The following PCDHGB1 variants were observed in gnomAD, a reference collection of about 807,000 sequenced individuals.
PCDHGB1 encodes protocadherin gamma subfamily B, 1, also known as protocadherin gamma-B1.
In PCDHGB1, 34 loss-of-function variants were observed where a neutral mutation model predicts 56.6. The observed-to-expected ratio is 0.60, with a 90% CI of 0.46 to 0.80. The LOEUF is 0.80. Among genes scored for constraint, PCDHGB1 ranks in the 30% least tolerant of loss-of-function variants. PCDHGB1 has a pLI of 0.00. For synonymous variants in PCDHGB1, 561 were observed against 505.9 expected (o/e 1.11, Z -1.46); for missense variants, 1,278 against 1,204.6 (o/e 1.06, Z -0.90).
At chr5:141,408,967 G>GC in intron 1 of PCDHGB1, 2 of 1,613,782 alleles carry the variant, frequency 1.2e-6, no homozygotes, top group Non-Finnish European at 1.7e-6. Context: ...GTGAAAATCT[G>GC]CCCCCTGGGT....
intron 1 of PCDHGB1, among the ~76,000 whole-genome samples, chr5:141,447,135 G>GT (rs905717632): frequency 9.9e-5 from 15 of 151,698 alleles, no homozygotes; most frequent in African/African-American, 3.4e-4. Flanking sequence ...TTGTTTGTTT[G>GT]TTTTTTGTTT....
rs1363636662 is a variant in PCDHGB1, at chr5:141,356,692, G to A, written c.2409+4023G>A. The A allele has an allele frequency of 5.0e-6, 8 of 1,613,832 alleles. No individual in the cohort carries two copies. The South Asian group carries it at 7.7e-5, about 16-fold the overall frequency. ...CTCCCTGGCCGAAGACACCTTCCAG[G>A]GTGCACCTCTGTCCTCCTATGTCTC... On this transcript the variant is annotated intron_variant, in intron 1 of 3. Transcript: ENST00000523390.
At chr5:141,429,500 A>C (rs1050435175) in intron 1 of PCDHGB1, among the ~76,000 whole-genome samples, 1 of 152,148 alleles carries the variant, frequency 6.6e-6, no homozygotes, top group Non-Finnish European at 1.5e-5. Flanking sequence ...CAGTTGCCTG[A>C]AACTGTGCCT....
intron 1 of PCDHGB1, chr5:141,395,513 C>T: frequency 2.4e-6 from 1 of 420,938 alleles, no homozygotes; most frequent in South Asian, 3.5e-5. Context: ...GAAGTAGCTA[C>T]CCGTCCATAC....
At position 141,398,766 on chromosome 5, in the gene PCDHGB1, T is replaced by A. The variant is rs775055352; in HGVS notation, c.2409+46097T>A. On this transcript the variant is annotated intron_variant, in intron 1 of 3. Coordinates refer to ENST00000523390, the MANE Select transcript of PCDHGB1 (RefSeq NM_018922.3). ...AGAGTTACCATCGTTTAGTCCTGACTGCCTTGGACGGTGGACATCCACCCC... is the reference window on the plus strand; with the variant it reads ...AGAGTTACCATCGTTTAGTCCTGACAGCCTTGGACGGTGGACATCCACCCC... 2.1e-5 allele frequency: 34 copies of A among 1,613,844 alleles called. 1 individual carries two copies. In the South Asian group the frequency reaches 3.1e-4, roughly 15 times the overall value.
intron 1 of PCDHGB1, chr5:141,371,172 T>G: frequency 6.2e-7 from 1 of 1,614,016 alleles, no homozygotes; most frequent in Non-Finnish European, 8.5e-7. Flanking sequence ...CGCTGGCTCC[T>G]CCGTATTAAA....
chr5:141,352,763 G>T (rs927333979), intron 1 of PCDHGB1, 94 bp downstream of exon 1: 5 of 1,302,158 alleles, frequency 3.8e-6, no homozygotes, highest in Non-Finnish European at 5.3e-6. Context: ...GCTGAGGCAG[G>T]TGGATCACTT....
At chr5:141,404,811 G>A (rs2094571358) in intron 1 of PCDHGB1, 1 of 1,606,238 alleles carries the variant, frequency 6.2e-7, no homozygotes, top group African/African-American at 1.4e-5. Flanking sequence ...TTCTCGGTGG[G>A]GCTGCACACA....
intron 1 of PCDHGB1, chr5:141,423,628 AT>A (rs2096762361): frequency 6.2e-7 from 1 of 1,604,844 alleles, no homozygotes; most frequent in Admixed American, 1.7e-5. Flanking sequence ...CTCAGCTATC[AT>A]TTTAGGCAAA....
At chr5:141,389,466 C>T (rs760000487) in intron 1 of PCDHGB1, 1 of 1,613,330 alleles carries the variant, frequency 6.2e-7, no homozygotes, top group East Asian at 2.2e-5. Flanking sequence ...CGCCTTCGAA[C>T]TCACACTGCA....
chr5:141,446,778 T>C (rs2098515519), intron 1 of PCDHGB1, among the ~76,000 whole-genome samples: 1 of 152,116 alleles, frequency 6.6e-6, no homozygotes, highest in South Asian at 2.1e-4. Flanking sequence ...GTTACCATTC[T>C]TTTACTCTGA....
Position 141,490,151 on chromosome 5 carries a change from T to A in PCDHGB1, c.2410-4656T>A, listed in dbSNP as rs1449636059. 6.2e-6 allele frequency: 10 copies of A among 1,614,210 alleles called. No homozygotes were observed. The highest frequency in any genetic ancestry group is 8.5e-6 in the Non-Finnish European group (10 of 1,180,018). On this transcript the variant is annotated intron_variant, in intron 1 of 3. Transcript: ENST00000523390. This position sits in a 1 kb window ranked among gnomAD's most constrained non-coding sequence, Gnocchi z 5.4. ...GACCCTAGCAGTGGGGCAATCCATG[T>A]GTTGGGTCCCATAGACTTTGAGGAG... is the stretch of plus-strand genomic sequence containing the variant.
At chr5:141,444,834 A>G (rs892892307) in intron 1 of PCDHGB1, among the ~76,000 whole-genome samples, 1 of 152,132 alleles carries the variant, frequency 6.6e-6, no homozygotes, top group African/African-American at 2.4e-5. Context: ...TTGTAGCTTT[A>G]TAGTAAGTCT....
At chr5:141,395,431 C>T (rs929194882) in intron 1 of PCDHGB1, 19 of 702,102 alleles carry the variant, frequency 2.7e-5, no homozygotes, top group Non-Finnish European at 4.0e-5. Context: ...TGCTTTTAAA[C>T]GACTTGGAAA....
At chr5:141,367,549 T>TAAAA (rs1765228447) in intron 1 of PCDHGB1, 1 of 147,156 alleles carries the variant, frequency 6.8e-6, no homozygotes, top group South Asian at 2.1e-4. Flanking sequence ...AATAAATAAA[T>TAAAA]AAATAAATAA....
chr5:141,482,049 C>G (rs1456071625), intron 1 of PCDHGB1, among the ~76,000 whole-genome samples: 2 of 149,284 alleles, frequency 1.3e-5, no homozygotes, highest in Non-Finnish European at 3.0e-5. Context: ...CATGCTGTTG[C>G]ATTCCAGCCT....
At chr5:141,391,884 G>C (rs1192403353) in intron 1 of PCDHGB1, 1 of 152,128 alleles carries the variant, frequency 6.6e-6, no homozygotes, top group East Asian at 1.9e-4. Flanking sequence ...TTGGTGAAAG[G>C]GATGGGATGG....
intron 1 of PCDHGB1, chr5:141,383,335 A>C (rs768493481): frequency 2.6e-5 from 42 of 1,613,892 alleles, no homozygotes; most frequent in Non-Finnish European, 3.4e-5. Flanking sequence ...AATGGAGAAT[A>C]CAGCTCCTGG....
intron 1 of PCDHGB1, among the ~76,000 whole-genome samples, chr5:141,453,067 C>T (rs1227122711): frequency 1.3e-5 from 2 of 152,024 alleles, no homozygotes; most frequent in Admixed American, 6.6e-5. Flanking sequence ...AGAGTTTTGC[C>T]ACACTCTGGT....
Sources: gnomAD v4.1 joint callset for allele counts (sites outside exome capture counted in the v4.1 genomes callset) on GRCh38, gnomAD v4.1.1 for gene constraint, Gnocchi (gnomAD v3.1) non-coding constraint, MANE v1.5 for transcripts, NCBI Gene and HGNC (gene_info 2026-07-23, HGNC 2026-07-21) for gene names.